The following ENAH variants were observed in gnomAD, a reference collection of about 807,000 sequenced individuals.
ENAH encodes ENAH actin regulator, also known as protein enabled homolog.
Under a neutral mutation model 78.7 loss-of-function variants are expected in ENAH, and 23 were observed. The ratio of observed to expected loss-of-function variants is 0.29; its 90% CI spans 0.21 to 0.41. ENAH has a LOEUF of 0.41. Ranked by LOEUF, ENAH falls within the 10% of genes least tolerant of loss-of-function variation. The pLI is 1.00. For missense variants in ENAH, 544 were observed against 691.0 expected, an observed-to-expected ratio of 0.79 and a Z score of 2.39; for synonymous variants, 226 against 241.0, an observed-to-expected ratio of 0.94 and a Z score of 0.58.
chr1:225,497,149 T>G lies in ENAH; in HGVS notation c.*626A>C, dbSNP rs1378498018. ...TTGCATGAAGGCTAACTCGAGAAAC[T>G]TCCTATCATTCTAAAATTTCTCAAG... On this transcript the variant is annotated 3_prime_UTR_variant, in exon 14 of 14. Coordinates refer to ENST00000366843, the MANE Select transcript of ENAH (RefSeq NM_018212.6). 7 of 152,638 alleles carry G rather than the reference T, an allele frequency of 4.6e-5. No individual in the cohort carries two copies. The highest frequency in any genetic ancestry group is 3.9e-4 in the Admixed American group (6 of 15,274). The allele number at this position is 152,638 out of a possible 1,614,324, so 9.5% of individuals were successfully genotyped here.
chr1:225,560,416 G>A (rs773848109), intron 2 of ENAH, among the ~76,000 whole-genome samples: 1 of 151,994 alleles, frequency 6.6e-6, no homozygotes, highest in South Asian at 2.1e-4. Context: ...ACTTGAACCC[G>A]GGAGGCTAAG....
intron 2 of ENAH, among the ~76,000 whole-genome samples, chr1:225,561,402 T>A (rs2096704797): frequency 6.6e-6 from 1 of 151,738 alleles, no homozygotes; most frequent in Admixed American, 6.6e-5. Context: ...GGCAAGCAGA[T>A]CATGAGGTCA....
chr1:225,583,591 A>C (rs1231414397), intron 1 of ENAH, among the ~76,000 whole-genome samples: 1 of 151,836 alleles, frequency 6.6e-6, no homozygotes, highest in Non-Finnish European at 1.5e-5. Context: ...CGGGTGGATC[A>C]CCTGAGGTCA....
intron 4 of ENAH, among the ~76,000 whole-genome samples, chr1:225,529,422 CA>C (rs1466601441): frequency 1.3e-5 from 2 of 152,140 alleles, no homozygotes; most frequent in Non-Finnish European, 2.9e-5. Context: ...TATTTAAACT[CA>C]CAAGTACTGA....
chr1:225,625,982 A>G (rs1657879948), intron 1 of ENAH, among the ~76,000 whole-genome samples: 1 of 152,192 alleles, frequency 6.6e-6, no homozygotes. Context: ...GAAGGGACAA[A>G]GATGCAAGTT....
Position 225,535,641 on chromosome 1 carries a change from G to A in ENAH, c.350-5003C>T, listed in dbSNP as rs2096558152. On this transcript the variant is annotated intron_variant, in intron 3 of 13. Transcript: ENST00000366843. ...AAGAACTTCACATAAACTAAAAGGT[G>A]CTTTGAAATGTTCAAAATGTATTTA... is the stretch of plus-strand genomic sequence containing the variant. 10 of 714,838 alleles carry A rather than the reference G, an allele frequency of 1.4e-5. 1 individual carries two copies. In the South Asian group the frequency reaches 1.5e-4, roughly 11 times the overall value. The allele number at this position is 714,838 out of a possible 1,614,324, so 44.3% of individuals were successfully genotyped here.
intron 1 of ENAH, among the ~76,000 whole-genome samples, chr1:225,643,818 T>C (rs1661497599): frequency 6.6e-6 from 1 of 152,092 alleles, no homozygotes; most frequent in South Asian, 2.1e-4. Context: ...ACATCTGTAG[T>C]CTCAGCTACT....
chr1:225,566,287 A>C (rs2096734639), intron 2 of ENAH, among the ~76,000 whole-genome samples: 1 of 148,304 alleles, frequency 6.7e-6, no homozygotes. Flanking sequence ...TTGTTTTGCC[A>C]AAATACCAGT....
At chr1:225,586,497 C>T (rs1465930740) in intron 1 of ENAH, among the ~76,000 whole-genome samples, 3 of 151,762 alleles carry the variant, frequency 2.0e-5, no homozygotes, top group African/African-American at 7.3e-5. Flanking sequence ...TTCATGAGAC[C>T]AGCGTGATCC....
intron 1 of ENAH, among the ~76,000 whole-genome samples, chr1:225,628,623 C>T (rs1222590635): frequency 2.0e-5 from 3 of 152,024 alleles, no homozygotes; most frequent in Admixed American, 1.3e-4. Context: ...AAAGATGGTG[C>T]AACTAGGCCG....
rs1051746898 is a variant in ENAH, at chr1:225,487,717, G to A, written c.*10058C>T. The A allele has an allele frequency of 1.3e-5, 2 of 152,204 alleles. No individual in the cohort carries two copies. Among genetic ancestry groups the A allele is most frequent in the African/African-American group, 4.8e-5 (2 of 41,444 alleles). The allele number at this position is 152,204 out of a possible 1,614,324, so 9.4% of individuals were successfully genotyped here. ...TTCATGGGGTGCAAATGTTTACATT[G>A]TTAGCAAAGAAAATAGCTCTGCATA... is the stretch of plus-strand genomic sequence containing the variant. On this transcript the variant is annotated 3_prime_UTR_variant, in exon 14 of 14. Coordinates refer to ENST00000366843, the MANE Select transcript of ENAH (RefSeq NM_018212.6).
intron 6 of ENAH, 103 bp downstream of exon 6, chr1:225,517,093 T>TC (rs2096425644): frequency 1.1e-6 from 1 of 921,826 alleles, no homozygotes; most frequent in Non-Finnish European, 1.5e-6. Context: ...ATATAAATGT[T>TC]CAAGGATCAA....
At chr1:225,611,839 G>A (rs2096991290) in intron 1 of ENAH, among the ~76,000 whole-genome samples, 1 of 152,084 alleles carries the variant, frequency 6.6e-6, no homozygotes, top group South Asian at 2.1e-4. Context: ...TTAGTCATTA[G>A]GGAAATGAAA....
intron 5 of ENAH, chr1:225,518,005 GAAAGCAGCAGCAAA>G (rs777190326): frequency 6.5e-7 from 1 of 1,530,538 alleles, no homozygotes; most frequent in African/African-American, 1.4e-5. Flanking sequence ...ACAGAAGGTG[GAAAGCAGCAGCAAA>G]AGACAGGATA....
At position 225,571,543 on chromosome 1, in the gene ENAH, C is replaced by G. The variant is rs537701476; in HGVS notation, c.6-4129G>C. On this transcript the variant is annotated intron_variant, in intron 1 of 13. Transcript: ENST00000366843. ...GGCTCCTCAAAGTGTCTTTGGTATA[C>G]TAATGAGATGATTCTTGGCTGAAGG... is the stretch of plus-strand genomic sequence containing the variant. Among the ~76,000 whole-genome samples the G allele has an allele frequency of 2.0e-5, 3 of 152,150 alleles. No individual in the cohort carries two copies. The East Asian group carries it at 5.8e-4, about 29-fold the overall frequency.
At chr1:225,528,711 A>C (rs1053092639) in intron 4 of ENAH, among the ~76,000 whole-genome samples, 3 of 152,212 alleles carry the variant, frequency 2.0e-5, no homozygotes, top group Non-Finnish European at 4.4e-5. Flanking sequence ...GGTAGGAGTT[A>C]TATGTTTAGA....
rs2096222411 is a variant in ENAH, at chr1:225,491,547, T to C, written c.*6228A>G. 6.6e-6 allele frequency: 1 copy of C among 151,800 alleles called. No homozygotes were observed. The highest frequency in any genetic ancestry group is 1.5e-5 in the Non-Finnish European group (1 of 68,010). 9.4% of individuals were successfully genotyped at this position (151,800 alleles called of 1,614,324 possible). On this transcript the variant is annotated 3_prime_UTR_variant, in exon 14 of 14. Transcript: ENST00000366843. ...CAGATGTGACTAAAGCATGGACTGT[T>C]AGGCGCTTAAGAGACCAAATTTTTA...
intron 12 of ENAH, among the ~76,000 whole-genome samples, chr1:225,500,775 C>T (rs2096277587): frequency 6.6e-6 from 1 of 152,182 alleles, no homozygotes; most frequent in African/African-American, 2.4e-5. Context: ...AACCACAACC[C>T]CACCCTCCAC....
chr1:225,494,704 CTT>C lies in ENAH; in HGVS notation c.*3069_*3070del, dbSNP rs2096241179. ...AAAGAATAGTGACGTGACATGTAAA[CTT>C]TTAAGTAGTAAAGTCTTGGACTTTA... On this transcript the variant is annotated 3_prime_UTR_variant, in exon 14 of 14. Coordinates refer to ENST00000366843, the MANE Select transcript of ENAH (RefSeq NM_018212.6). The C allele has an allele frequency of 6.6e-6, 1 of 152,180 alleles. No homozygotes were observed. Among genetic ancestry groups the C allele is most frequent in the African/African-American group, 2.4e-5 (1 of 41,446 alleles). The allele number at this position is 152,180 out of a possible 1,614,324, so 9.4% of individuals were successfully genotyped here. A position where few individuals can be genotyped will look rare whatever the true frequency, so the allele number is the denominator to read the frequency against.
Sources: allele counts gnomAD v4.1 joint callset (sites outside exome capture counted in the v4.1 genomes callset), GRCh38; gene constraint gnomAD v4.1.1; transcripts MANE v1.5; gene names NCBI Gene and HGNC (gene_info 2026-07-23, HGNC 2026-07-21).